ARHGAP15: variants seen among roughly 807,000 people sequenced by gnomAD.
ARHGAP15 encodes the protein Rho GTPase activating protein 15.
A neutral mutation model predicts 63.7 loss-of-function variants in ARHGAP15; 51 were observed. The observed-to-expected ratio is 0.80, with a 90% CI of 0.64 to 1.01. The LOEUF is 1.01. Among genes scored for constraint, ARHGAP15 ranks in the 50% least tolerant of loss-of-function variants. ARHGAP15 has a pLI of 0.00. For synonymous variants in ARHGAP15, 191 were observed against 193.8 expected (o/e 0.99, Z 0.12); for missense variants, 560 against 564.6 (o/e 0.99, Z 0.08).
chr2:143,630,413 A>C (rs1462954410), intron 12 of ARHGAP15, among the ~76,000 whole-genome samples: 1 of 152,114 alleles, frequency 6.6e-6, no homozygotes, highest in African/African-American at 2.4e-5. Flanking sequence ...AATATTCAAC[A>C]AACAAAATCT....
At chr2:143,447,558 A>T (rs1690200191) in intron 8 of ARHGAP15, among the ~76,000 whole-genome samples, 2 of 152,152 alleles carry the variant, frequency 1.3e-5, no homozygotes, top group Non-Finnish European at 2.9e-5. Flanking sequence ...AGCTTCAGTC[A>T]TTAGCTTAAA....
At chr2:143,270,042 G>A (rs1681195638) in intron 6 of ARHGAP15, among the ~76,000 whole-genome samples, 1 of 151,694 alleles carries the variant, frequency 6.6e-6, no homozygotes, top group South Asian at 2.1e-4. Context: ...GTGTGATCTC[G>A]GCTCACTGCA....
intron 8 of ARHGAP15, among the ~76,000 whole-genome samples, chr2:143,468,638 G>A (rs1420684212): frequency 7.3e-5 from 1 of 13,670 alleles, no homozygotes; most frequent in African/African-American, 1.1e-4. Flanking sequence ...CTTTGTGAGA[G>A]AGAGAGAGAG....
chr2:143,720,533 C>T (rs1685004842), intron 13 of ARHGAP15, among the ~76,000 whole-genome samples: 1 of 152,082 alleles, frequency 6.6e-6, no homozygotes, highest in Admixed American at 6.6e-5. Flanking sequence ...CGCAGATGCA[C>T]CTGTGCCGTG....
At chr2:143,572,770 C>T (rs147565632) in intron 11 of ARHGAP15, among the ~76,000 whole-genome samples, 35 of 152,198 alleles carry the variant, frequency 2.3e-4, no homozygotes, top group Admixed American at 7.9e-4. Flanking sequence ...TAAATCCACG[C>T]GTGATTTCTG....
intron 2 of ARHGAP15, among the ~76,000 whole-genome samples, chr2:143,161,643 C>T (rs1690302262): frequency 6.6e-6 from 1 of 151,916 alleles, no homozygotes; most frequent in African/African-American, 2.4e-5. Flanking sequence ...ATGCCTCTAA[C>T]ATGGAACATC....
At chr2:143,525,462 GT>G (rs5834956) in intron 10 of ARHGAP15, among the ~76,000 whole-genome samples, 49,367 of 146,372 alleles carry the variant, frequency 0.34, 8,328 homozygotes, top group East Asian at 0.42. Context: ...CTATGTTTTT[GT>G]TTTTTTTTTT....
rs547705962 is a variant in ARHGAP15, at chr2:143,406,947, G to C, written c.475-28654G>C. ...AAGTTGTACAGGAGAACATCAAAGG[G>C]CCAGGTCTGGAAGTGGTGGATTTAC... On this transcript the variant is annotated intron_variant, in intron 6 of 13. Coordinates refer to ENST00000295095, the MANE Select transcript of ARHGAP15 (RefSeq NM_018460.4). Among the ~76,000 whole-genome samples, 4 of 151,984 alleles carry C rather than the reference G, an allele frequency of 2.6e-5. No individual in the cohort carries two copies. In the South Asian group the frequency reaches 6.2e-4, roughly 24 times the overall value.
At chr2:143,277,078 A>T (rs986461004) in intron 6 of ARHGAP15, among the ~76,000 whole-genome samples, 4 of 151,768 alleles carry the variant, frequency 2.6e-5, no homozygotes, top group Non-Finnish European at 5.9e-5. Flanking sequence ...TGTGATTGTC[A>T]TTTGTGTTTT....
chr2:143,743,593 A>G (rs1337150163), intron 13 of ARHGAP15, among the ~76,000 whole-genome samples: 1 of 152,112 alleles, frequency 6.6e-6, no homozygotes, highest in East Asian at 1.9e-4. Context: ...CATGAAAGCC[A>G]TGTTCGGGGA....
intron 12 of ARHGAP15, among the ~76,000 whole-genome samples, chr2:143,626,437 G>A (rs549843052): frequency 1.1e-4 from 17 of 152,256 alleles, no homozygotes; most frequent in African/African-American, 3.1e-4. Context: ...GAATGGAGCC[G>A]TAGACCTTCT....
At chr2:143,625,052 T>C (rs1698781994) in intron 12 of ARHGAP15, among the ~76,000 whole-genome samples, 1 of 152,192 alleles carries the variant, frequency 6.6e-6, no homozygotes, top group South Asian at 2.1e-4. Flanking sequence ...AAATTTAATA[T>C]CTTAGGGTAT....
At chr2:143,339,631 T>G (rs908646489) in intron 6 of ARHGAP15, among the ~76,000 whole-genome samples, 3 of 152,136 alleles carry the variant, frequency 2.0e-5, no homozygotes, top group African/African-American at 7.2e-5. Flanking sequence ...ATTTCTCCCA[T>G]GTCATCAAAT....
chr2:143,567,351 C>T (rs1696270797), intron 11 of ARHGAP15, among the ~76,000 whole-genome samples: 1 of 152,188 alleles, frequency 6.6e-6, no homozygotes, highest in Admixed American at 6.5e-5. Context: ...GTTGGGTCAC[C>T]AGCAAAGGAT....
intron 9 of ARHGAP15, among the ~76,000 whole-genome samples, chr2:143,503,924 A>G (rs897365286): frequency 6.6e-6 from 1 of 152,244 alleles, no homozygotes; most frequent in Admixed American, 6.5e-5. Context: ...TAAATGCACA[A>G]AAACAACGGT....
intron 6 of ARHGAP15, among the ~76,000 whole-genome samples, chr2:143,252,573 T>C (rs16858919): frequency 0.049 from 7,379 of 151,994 alleles, 561 homozygotes; most frequent in African/African-American, 0.17. Flanking sequence ...AAACAAGAGG[T>C]GATCATAAGG....
At chr2:143,605,777 G>C (rs966462455) in intron 11 of ARHGAP15, among the ~76,000 whole-genome samples, 2 of 149,956 alleles carry the variant, frequency 1.3e-5, no homozygotes, top group African/African-American at 4.9e-5. Flanking sequence ...ACTTTGGGAG[G>C]CAGAGGCAGG....
chr2:143,186,186 A>T (rs1017132159), intron 2 of ARHGAP15, among the ~76,000 whole-genome samples: 3 of 152,198 alleles, frequency 2.0e-5, no homozygotes, highest in Non-Finnish European at 4.4e-5. Flanking sequence ...GATAATATGA[A>T]ATAGGAATAC....
chr2:143,244,580 G>A (rs1259266878), intron 5 of ARHGAP15, among the ~76,000 whole-genome samples: 1 of 152,156 alleles, frequency 6.6e-6, no homozygotes, highest in Non-Finnish European at 1.5e-5. Flanking sequence ...AAACTGCCAC[G>A]GATGTAGCGT....
Sources: allele counts gnomAD v4.1 joint callset (sites outside exome capture counted in the v4.1 genomes callset), GRCh38; gene constraint gnomAD v4.1.1; transcripts MANE v1.5; gene names NCBI Gene and HGNC (gene_info 2026-07-23, HGNC 2026-07-21).